The following ITGA8 variants were observed in gnomAD, a reference collection of about 807,000 sequenced individuals.
ITGA8 encodes integrin subunit alpha 8, also known as integrin alpha-8.
A neutral mutation model predicts 142.3 loss-of-function variants in ITGA8; 91 were observed. The ratio of observed to expected loss-of-function variants is 0.64; its 90% confidence interval spans 0.54 to 0.76. The LOEUF (loss-of-function observed/expected upper bound fraction) is 0.76. Among genes scored for constraint, ITGA8 ranks in the 30% least tolerant of loss-of-function variants. The pLI is 0.00. For missense variants in ITGA8, 1,406 were observed against 1,327.7 expected (o/e 1.06, Z -0.92); for synonymous variants, 505 against 485.2 (o/e 1.04, Z -0.54).
chr10:15,678,833 A>AT (rs1057046611), intron 4 of ITGA8, 50 bp from the exon 5 acceptor site: 1 of 1,185,210 alleles, frequency 8.4e-7, no homozygotes, highest in Non-Finnish European at 1.2e-6. Context: ...TTCCTGAAAT[A>AT]TTTTTTAATA....
chr10:15,570,319 A>T (rs1473665724), intron 25 of ITGA8, among the ~76,000 whole-genome samples: 6 of 152,190 alleles, frequency 3.9e-5, no homozygotes, highest in African/African-American at 1.4e-4. Flanking sequence ...ATTAAAGAAT[A>T]AGTGGGGGCG....
At chr10:15,710,199 T>C (rs931726536) in intron 2 of ITGA8, among the ~76,000 whole-genome samples, 5 of 152,200 alleles carry the variant, frequency 3.3e-5, no homozygotes, top group African/African-American at 1.2e-4. Flanking sequence ...CTCATTACAA[T>C]TTCCTTCTTA....
intron 19 of ITGA8, among the ~76,000 whole-genome samples, chr10:15,604,650 G>A (rs1402511889): frequency 1.3e-5 from 2 of 150,186 alleles, no homozygotes; most frequent in South Asian, 2.1e-4. Context: ...TCCATGAACC[G>A]TGGTCATTTT....
Position 15,517,240 on chromosome 10 carries a change from C to T in ITGA8, c.3110G>A (p.Gly1037Glu). The T allele has an allele frequency of 1.2e-6, 2 of 1,609,182 alleles. No individual in the cohort carries two copies. Among genetic ancestry groups the T allele is most frequent in the Non-Finnish European group, 1.7e-6 (2 of 1,176,762 alleles). The change falls in exon 30 of 30, where the codon GGA becomes GAA. Residue 1037 changes from glycine (G) to glutamate (E), a missense_variant. Gly to Glu is a moderately conservative substitution (Grantham distance 98, BLOSUM62 -2). Transcript: ENST00000378076. Reference sequence around the variant, plus strand: ...AGGAGGTCTGGCTCTGTCAAAGAATCCACACTATAAAGGGAAAGATGGGCT... The same window carrying T: ...AGGAGGTCTGGCTCTGTCAAAGAATTCACACTATAAAGGGAAAGATGGGCT... Reference protein sequence around the residue: ...AILTLALWKCGFFDRARPPQE... With the variant: ...AILTLALWKCEFFDRARPPQE...
At chr10:15,586,049 ATTTTTTTTTTTTTTT>A (rs59435924) in intron 23 of ITGA8, among the ~76,000 whole-genome samples, 3 of 76,810 alleles carry the variant, frequency 3.9e-5, no homozygotes, top group Admixed American at 1.6e-4. Context: ...GAATAAAGTG[ATTTTTTTTTTTTTTT>A]TTTTTTTTTT....
At chr10:15,684,985 C>G (rs759748924) in intron 3 of ITGA8, among the ~76,000 whole-genome samples, 4 of 152,196 alleles carry the variant, frequency 2.6e-5, no homozygotes, top group African/African-American at 7.2e-5. Flanking sequence ...TCTGGACGCA[C>G]TTCTCCATTT....
chr10:15,629,913 G>A (rs1237735864), intron 13 of ITGA8, among the ~76,000 whole-genome samples: 2 of 152,018 alleles, frequency 1.3e-5, no homozygotes, highest in Non-Finnish European at 2.9e-5. Flanking sequence ...TGGTGACAGA[G>A]CAAGACTTAA....
intron 2 of ITGA8, among the ~76,000 whole-genome samples, chr10:15,698,235 TA>T: frequency 6.6e-6 from 1 of 152,352 alleles, no homozygotes; most frequent in East Asian, 1.9e-4. Context: ...AGAATGCCAT[TA>T]TTTCATTCAT....
intron 6 of ITGA8, among the ~76,000 whole-genome samples, chr10:15,675,504 A>G (rs115187989): frequency 0.01 from 1,571 of 152,354 alleles, 25 homozygotes; most frequent in African/African-American, 0.036. Context: ...TCTAAGAAAC[A>G]GACAACTTTA....
chr10:15,715,092 C>T (rs1337319119), intron 2 of ITGA8, among the ~76,000 whole-genome samples: 1 of 152,094 alleles, frequency 6.6e-6, no homozygotes, highest in African/African-American at 2.4e-5. Context: ...GAGAACTTTT[C>T]TTCCTTTTTT....
At chr10:15,544,657 T>A (rs1588635183) in intron 27 of ITGA8, among the ~76,000 whole-genome samples, 1 of 152,324 alleles carries the variant, frequency 6.6e-6, no homozygotes, top group Middle Eastern at 3.4e-3. Context: ...TAACGATCTG[T>A]GGTAGCAACC....
chr10:15,671,780 A>G, intron 7 of ITGA8, 133 bp from the exon 8 acceptor site: 1 of 657,262 alleles, frequency 1.5e-6, no homozygotes, highest in Non-Finnish European at 2.6e-6. Flanking sequence ...TAAAAGTTAA[A>G]GATTCTATAA....
chr10:15,568,925 G>C (rs1392285200), intron 25 of ITGA8, among the ~76,000 whole-genome samples: 1 of 152,222 alleles, frequency 6.6e-6, no homozygotes, highest in Non-Finnish European at 1.5e-5. Flanking sequence ...GATTCTCAGG[G>C]CATATTTGGG....
At chr10:15,524,374 G>A (rs1282555449) in intron 28 of ITGA8, among the ~76,000 whole-genome samples, 1 of 152,200 alleles carries the variant, frequency 6.6e-6, no homozygotes, top group Non-Finnish European at 1.5e-5. Context: ...TAGACAAGGA[G>A]CCAAAGGTAA....
Position 15,606,269 on chromosome 10 carries a change from A to T in ITGA8, c.1902+16T>A, listed in dbSNP as rs1156538769. On this transcript the variant is annotated intron_variant, in intron 18 of 29. Transcript: ENST00000378076. ...CTTGCTTGAGAAAATGCCGTCAAAG[A>T]CTGTGAAGGACTTACCTGTTCACTA... 5 of 1,583,246 alleles carry T rather than the reference A, an allele frequency of 3.2e-6. No individual in the cohort carries two copies. The highest frequency in any genetic ancestry group is 1.3e-5 in the African/African-American group (1 of 74,330).
At chr10:15,543,607 T>C (rs1833614189) in intron 27 of ITGA8, among the ~76,000 whole-genome samples, 2 of 152,176 alleles carry the variant, frequency 1.3e-5, no homozygotes, top group South Asian at 2.1e-4. Context: ...TTTCTTCTCA[T>C]ATTAGTAAGG....
intron 26 of ITGA8, among the ~76,000 whole-genome samples, chr10:15,557,489 G>A (rs1833906929): frequency 6.6e-6 from 1 of 152,158 alleles, no homozygotes; most frequent in African/African-American, 2.4e-5. Context: ...ACTCAGCAGG[G>A]GTTTTGGCCC....
intron 2 of ITGA8, among the ~76,000 whole-genome samples, chr10:15,692,833 C>A (rs1268432505): frequency 6.6e-6 from 1 of 152,134 alleles, no homozygotes; most frequent in Admixed American, 6.6e-5. Flanking sequence ...TTTGGGAGAC[C>A]AAGGCAGGTG....
chr10:15,621,125 A>T (rs749752286), intron 13 of ITGA8, among the ~76,000 whole-genome samples: 2 of 151,876 alleles, frequency 1.3e-5, no homozygotes, highest in Non-Finnish European at 2.9e-5. Context: ...AAAACAAACA[A>T]ATAAAAAACT....
Sources: allele counts gnomAD v4.1 joint callset (sites outside exome capture counted in the v4.1 genomes callset), GRCh38; gene constraint gnomAD v4.1.1; transcripts MANE v1.5; gene names NCBI Gene and HGNC (gene_info 2026-07-23, HGNC 2026-07-21).